RGS7: variants seen among roughly 807,000 people sequenced by gnomAD.
RGS7 encodes regulator of G protein signaling 7, also known as regulator of G-protein signaling 7.
In RGS7, 27 loss-of-function variants were observed where a neutral mutation model predicts 81.1. That is an observed-to-expected ratio of 0.33 (90% CI 0.25 to 0.46). The LOEUF is 0.46. Among genes scored for constraint, RGS7 ranks in the 20% least tolerant of loss-of-function variants. The probability of loss-of-function intolerance (pLI) is 1.00; values close to 1 mark genes in which losing one functional copy is unlikely to be tolerated. For missense variants in RGS7, 396 were observed against 607.4 expected, an observed-to-expected ratio of 0.65 and a Z score of 3.66; for synonymous variants, 208 against 207.7, an observed-to-expected ratio of 1.00 and a Z score of -0.01.
intron 3 of RGS7, among the ~76,000 whole-genome samples, chr1:241,095,756 T>C (rs948912571): frequency 6.6e-6 from 1 of 152,214 alleles, no homozygotes; most frequent in African/African-American, 2.4e-5. Context: ...TTATCTTAAA[T>C]ATTTATCATT....
intron 2 of RGS7, among the ~76,000 whole-genome samples, chr1:241,179,239 C>T (rs2071404107): frequency 6.6e-6 from 1 of 152,130 alleles, no homozygotes; most frequent in Admixed American, 6.6e-5. Flanking sequence ...GGATTACAGG[C>T]ATGCACCACC....
At chr1:240,942,745 T>C (rs933698358) in intron 4 of RGS7, among the ~76,000 whole-genome samples, 20 of 152,222 alleles carry the variant, frequency 1.3e-4, no homozygotes, top group African/African-American at 4.8e-4. Context: ...AAAGAAGATA[T>C]GTTAGACTTG....
chr1:240,991,492 G>C (rs888570344), intron 3 of RGS7, among the ~76,000 whole-genome samples: 1 of 152,156 alleles, frequency 6.6e-6, no homozygotes, highest in African/African-American at 2.4e-5. Context: ...TCTTGTGTGG[G>C]ATGGTGACAG....
chr1:240,959,755 G>A (rs967922207), intron 4 of RGS7, among the ~76,000 whole-genome samples: 7 of 152,114 alleles, frequency 4.6e-5, no homozygotes, highest in Non-Finnish European at 8.8e-5. Flanking sequence ...AATTTCAAAT[G>A]TCATCTTCTC....
intron 3 of RGS7, among the ~76,000 whole-genome samples, chr1:241,073,554 G>A (rs2062608172): frequency 1.3e-5 from 2 of 152,158 alleles, no homozygotes; most frequent in Admixed American, 1.3e-4. Context: ...TGGATGCCAG[G>A]GCAGATAAAA....
intron 3 of RGS7, among the ~76,000 whole-genome samples, chr1:241,002,314 T>C (rs1688264597): frequency 6.6e-6 from 1 of 151,688 alleles, no homozygotes; most frequent in Non-Finnish European, 1.5e-5. Flanking sequence ...TTAGCCGAGC[T>C]TGGTGGCTCA....
chr1:240,878,804 C>A (rs1237485073), intron 6 of RGS7, among the ~76,000 whole-genome samples: 2 of 152,136 alleles, frequency 1.3e-5, no homozygotes, highest in Admixed American at 1.3e-4. Flanking sequence ...CTGAGATTTA[C>A]CCAGGCTGTT....
chr1:240,945,931 C>T (rs1435569957), intron 4 of RGS7, among the ~76,000 whole-genome samples: 1 of 151,916 alleles, frequency 6.6e-6, no homozygotes, highest in African/African-American at 2.4e-5. Flanking sequence ...TTTTAGAATA[C>T]CTAAAATCTA....
intron 3 of RGS7, among the ~76,000 whole-genome samples, chr1:241,032,102 G>C (rs1237452413): frequency 6.6e-6 from 1 of 152,208 alleles, no homozygotes; most frequent in African/African-American, 2.4e-5. Flanking sequence ...TATTTCTATA[G>C]TTTCAGGTCT....
chr1:240,930,899 G>A, intron 5 of RGS7, 131 bp from the exon 6 acceptor site: 2 of 918,334 alleles, frequency 2.2e-6, no homozygotes, highest in Non-Finnish European at 3.5e-6. Flanking sequence ...TACAGAACAT[G>A]TTCCAAGAGA....
chr1:240,929,667 C>A (rs1675072891), intron 6 of RGS7, among the ~76,000 whole-genome samples: 1 of 152,146 alleles, frequency 6.6e-6, no homozygotes, highest in Non-Finnish European at 1.5e-5. Context: ...GAAAGCCAAG[C>A]TGCTGCAAAG....
At chr1:240,892,013 G>C (rs775904985) in intron 6 of RGS7, among the ~76,000 whole-genome samples, 1 of 152,162 alleles carries the variant, frequency 6.6e-6, no homozygotes, top group African/African-American at 2.4e-5. Context: ...CTGAGAGGAC[G>C]GGAGGATCTT....
chr1:240,859,440 G>GTTTTTTTTTTTTTTTTTT (rs5782167), intron 9 of RGS7, among the ~76,000 whole-genome samples: 6 of 110,832 alleles, frequency 5.4e-5, no homozygotes, highest in African/African-American at 1.0e-4. Flanking sequence ...TTTCTTTCCT[G>GTTTTTTTTTTTTTTTTTT]TTTTTTTTTT....
At chr1:240,913,238 A>G (rs540762623) in intron 6 of RGS7, among the ~76,000 whole-genome samples, 7 of 152,320 alleles carry the variant, frequency 4.6e-5, no homozygotes, top group Admixed American at 2.6e-4. Context: ...TTTATTTTGT[A>G]TGTATGCATG....
At chr1:240,869,854 C>G (rs1431019153) in intron 7 of RGS7, among the ~76,000 whole-genome samples, 2 of 152,196 alleles carry the variant, frequency 1.3e-5, no homozygotes, top group Non-Finnish European at 2.9e-5. Context: ...GCAGGAGAAT[C>G]ACTTGAACCT....
intron 2 of RGS7, among the ~76,000 whole-genome samples, chr1:241,274,046 T>A (rs2078062653): frequency 1.3e-5 from 2 of 152,222 alleles, no homozygotes; most frequent in African/African-American, 4.8e-5. Context: ...CTCATGGAAA[T>A]GTCTTGCCAC....
At chr1:241,190,087 A>G (rs1236516446) in intron 2 of RGS7, among the ~76,000 whole-genome samples, 4 of 151,074 alleles carry the variant, frequency 2.6e-5, no homozygotes, top group Admixed American at 6.6e-5. Context: ...TGGGCGACAG[A>G]GCAGACTCCG....
chr1:241,006,562 G>A (rs1238089417), intron 3 of RGS7, among the ~76,000 whole-genome samples: 1 of 152,168 alleles, frequency 6.6e-6, no homozygotes, highest in Non-Finnish European at 1.5e-5. Context: ...AGGGAACAAT[G>A]AAAGATTAAA....
At chr1:241,288,775 C>G (rs1308760127) in intron 2 of RGS7, among the ~76,000 whole-genome samples, 1 of 152,150 alleles carries the variant, frequency 6.6e-6, no homozygotes. Context: ...CCCAAAGCCT[C>G]TGGTCAAGAA....
Sources: gnomAD v4.1 joint callset for allele counts (sites outside exome capture counted in the v4.1 genomes callset) on GRCh38, gnomAD v4.1.1 for gene constraint, MANE v1.5 for transcripts, NCBI Gene and HGNC (gene_info 2026-07-23, HGNC 2026-07-21) for gene names.